The following KATNIP variants were observed in gnomAD, a reference collection of about 807,000 sequenced individuals.
The protein encoded by KATNIP is katanin-interacting protein.
A neutral mutation model predicts 174.0 loss-of-function variants in KATNIP; 126 were observed. The ratio of observed to expected loss-of-function variants is 0.72; its 90% CI spans 0.63 to 0.84. KATNIP has a LOEUF of 0.84. KATNIP is among the 40% of genes least tolerant of loss of function. The pLI is 0.00. For synonymous variants in KATNIP, 810 were observed against 835.7 expected, an observed-to-expected ratio of 0.97 and a Z score of 0.53; for missense variants, 1,958 against 2,109.7, an observed-to-expected ratio of 0.93 and a Z score of 1.41.
intron 2 of KATNIP, among the ~76,000 whole-genome samples, chr16:27,585,347 A>G (rs2090855858): frequency 1.3e-5 from 2 of 152,252 alleles, no homozygotes; most frequent in Non-Finnish European, 2.9e-5. Flanking sequence ...GTAAATTAGT[A>G]TGATCACTAT....
In KATNIP at chr16:27,699,596, T is replaced by TGAGGTCA; in HGVS notation, c.1178_1179+5dup. 1 of 1,613,990 alleles carries TGAGGTCA rather than the reference T, an allele frequency of 6.2e-7. No homozygotes were observed. Among genetic ancestry groups the TGAGGTCA allele is most frequent in the Non-Finnish European group, 8.5e-7 (1 of 1,179,894 alleles). On this transcript the variant is annotated frameshift_variant, in exon 10 of 28. Coordinates refer to ENST00000261588, the MANE Select transcript of KATNIP (RefSeq NM_015202.5). LOFTEE classifies it high-confidence loss of function. ...TGCTGGAGGAGAAGGAAGAGACCCTTGAGGTCAGTGCTAGGCAGAGATGAA... is the reference window on the plus strand; with the variant it reads ...TGCTGGAGGAGAAGGAAGAGACCCTTGAGGTCAGAGGTCAGTGCTAGGCAGAGATGAA...
intron 2 of KATNIP, among the ~76,000 whole-genome samples, chr16:27,605,503 T>C (rs2075672886): frequency 6.6e-6 from 1 of 152,192 alleles, no homozygotes; most frequent in Non-Finnish European, 1.5e-5. Flanking sequence ...AGGTATGTAT[T>C]GGTAGCAATA....
At chr16:27,687,322 T>A (rs1271066589) in intron 8 of KATNIP, 1 of 152,222 alleles carries the variant, frequency 6.6e-6, no homozygotes, top group Non-Finnish European at 1.5e-5. Context: ...ATAGATTTTT[T>A]AAATATTTAA....
chr16:27,765,240 G>A (rs931931996), intron 19 of KATNIP, among the ~76,000 whole-genome samples: 3 of 152,246 alleles, frequency 2.0e-5, no homozygotes, highest in Non-Finnish European at 4.4e-5. Context: ...GAGCCACGAG[G>A]ACAAGGGCCT....
At chr16:27,658,743 G>C (rs965134382) in intron 6 of KATNIP, among the ~76,000 whole-genome samples, 2 of 151,928 alleles carry the variant, frequency 1.3e-5, no homozygotes, top group Non-Finnish European at 1.5e-5. Context: ...TGTACTATAG[G>C]TCAATTTGTT....
chr16:27,708,649 C>A, intron 12 of KATNIP, 56 bp from the exon 13 acceptor site: 2 of 1,438,020 alleles, frequency 1.4e-6, no homozygotes, highest in African/African-American at 1.4e-5. Flanking sequence ...AGAGGCAGAG[C>A]CGAATTCAAG....
At chr16:27,575,109 A>G (rs1178200368) in intron 2 of KATNIP, among the ~76,000 whole-genome samples, 2 of 152,220 alleles carry the variant, frequency 1.3e-5, no homozygotes, top group East Asian at 3.9e-4. Context: ...CAATAGTTAC[A>G]ATACAGTGTG....
chr16:27,746,017 T>G (rs1044145371), intron 15 of KATNIP, among the ~76,000 whole-genome samples: 1 of 139,564 alleles, frequency 7.2e-6, no homozygotes, highest in African/African-American at 2.7e-5. Flanking sequence ...CAGGCTGGAG[T>G]GCAGTGGCAC....
chr16:27,616,887 T>TAAAAAAAAAAA (rs556687403), intron 2 of KATNIP, among the ~76,000 whole-genome samples: 1 of 31,384 alleles, frequency 3.2e-5, no homozygotes, highest in Non-Finnish European at 5.2e-5. Context: ...CCATCTCTAC[T>TAAAAAAAAAAA]AAAAAAAAAA....
Position 27,631,104 on chromosome 16 carries a change from C to A in KATNIP, c.350C>A (p.Ala117Asp), listed in dbSNP as rs1420697325. ...ACTCTGTTTCGAGAAGCTGAAGAAG[C>A]CTTAAGACGCAGTTCACGGACAGCC... ...RRTLFREAEEALRRSSRTAPS... is the reference protein window; with the variant it reads ...RRTLFREAEEDLRRSSRTAPS... The change falls in exon 5 of 28, where the codon GCC becomes GAC. Residue 117 changes from alanine (A) to aspartate (D), a missense_variant. Ala to Asp is a moderately radical substitution (Grantham distance 126). Coordinates refer to ENST00000261588, the MANE Select transcript of KATNIP (RefSeq NM_015202.5). 5 of 1,577,888 alleles carry A rather than the reference C, an allele frequency of 3.2e-6. No individual in the cohort carries two copies. The highest frequency in any genetic ancestry group is 2.3e-5 in the East Asian group (1 of 43,434).
At chr16:27,617,234 G>A (rs1378189031) in intron 2 of KATNIP, among the ~76,000 whole-genome samples, 2 of 152,136 alleles carry the variant, frequency 1.3e-5, no homozygotes, top group East Asian at 1.9e-4. Context: ...TACTTCTTTA[G>A]GCATAGGTGA....
intron 6 of KATNIP, among the ~76,000 whole-genome samples, chr16:27,668,525 T>C (rs1453206165): frequency 6.6e-6 from 1 of 152,216 alleles, no homozygotes; most frequent in Non-Finnish European, 1.5e-5. Context: ...CAAGTAAACC[T>C]CTTTTTCTTC....
intron 8 of KATNIP, among the ~76,000 whole-genome samples, chr16:27,689,095 C>G (rs1187657081): frequency 6.6e-6 from 1 of 152,212 alleles, no homozygotes; most frequent in East Asian, 1.9e-4. Flanking sequence ...AGACAAAAGC[C>G]ACTGCTATCC....
At chr16:27,562,635 A>G (rs1055654932) in intron 1 of KATNIP, among the ~76,000 whole-genome samples, 1 of 152,206 alleles carries the variant, frequency 6.6e-6, no homozygotes, top group African/African-American at 2.4e-5. Context: ...ACTATGGGGA[A>G]CTGGAATGGC....
intron 13 of KATNIP, among the ~76,000 whole-genome samples, chr16:27,720,187 T>C (rs992624808): frequency 3.7e-4 from 56 of 151,622 alleles, no homozygotes; most frequent in Admixed American, 3.7e-3. Context: ...ACCTCACGAG[T>C]TCAAGCTATT....
chr16:27,766,517 A>T (rs2082131640), intron 20 of KATNIP, 43 bp downstream of exon 20: 1 of 1,572,574 alleles, frequency 6.4e-7, no homozygotes, highest in Admixed American at 1.7e-5. Flanking sequence ...AGCATCAGGG[A>T]AGCAGCACCT....
chr16:27,634,506 A>G (rs544229179), intron 5 of KATNIP, among the ~76,000 whole-genome samples: 3 of 152,348 alleles, frequency 2.0e-5, no homozygotes, highest in Admixed American at 1.3e-4. Context: ...TATCAGCATC[A>G]GGAAGGTGTC....
At chr16:27,577,906 G>A (rs558365860) in intron 2 of KATNIP, among the ~76,000 whole-genome samples, 30 of 152,078 alleles carry the variant, frequency 2.0e-4, no homozygotes, top group African/African-American at 6.5e-4. Flanking sequence ...TAAAATAAAA[G>A]TTCCCAGGTG....
intron 5 of KATNIP, among the ~76,000 whole-genome samples, chr16:27,636,423 G>A (rs2076637339): frequency 6.6e-6 from 1 of 152,190 alleles, no homozygotes; most frequent in Non-Finnish European, 1.5e-5. Flanking sequence ...GGTTCTTTGG[G>A]GCATTTGAAT....
Sources: gnomAD v4.1 joint callset for allele counts (sites outside exome capture counted in the v4.1 genomes callset) on GRCh38, gnomAD v4.1.1 for gene constraint, MANE v1.5 for transcripts, NCBI Gene and HGNC (gene_info 2026-07-23, HGNC 2026-07-21) for gene names.